Variants in EPRS1 observed in about 807,000 individuals in gnomAD.
The protein encoded by EPRS1 is glutamyl-prolyl-tRNA synthetase 1.
A neutral mutation model predicts 188.3 loss-of-function variants in EPRS1; 107 were observed. The observed-to-expected ratio is 0.57, with a 90% CI of 0.49 to 0.67. The LOEUF (loss-of-function observed/expected upper bound fraction) is 0.67, where lower values mean the gene tolerates loss of function less well. EPRS1 is among the 30% of genes least tolerant of loss of function. The probability of loss-of-function intolerance (pLI) is 0.00; values close to 1 mark genes in which losing one functional copy is unlikely to be tolerated. For missense variants in EPRS1, 1,577 were observed against 1,802.2 expected (o/e 0.88, Z 2.26); for synonymous variants, 596 against 593.1 (o/e 1.00, Z -0.07).
rs761568334 is a variant in EPRS1 at position 219,987,220 on chromosome 1, T to C, written c.2960A>G (p.Lys987Arg). Residue 987 changes from lysine (K) to arginine (R), a missense_variant, in exon 20 of 32, where the codon AAA (lysine) becomes AGA (arginine). By Grantham distance (26) the Lys-to-Arg change is conservative. This residue lies in a region of EPRS1 where 1,278 missense variants were observed against 1,457.4 expected (regional missense o/e 0.88). Transcript: ENST00000366923. ...ACCTCCTTGGTTTTTAGAAGGGTCT[T>C]TCCTTTGGCCATCATTTTGTTTCTG... is the stretch of plus-strand genomic sequence containing the variant. ...KPQKQNDGQR[K>R]DPSKNQGGGL... The C allele has an allele frequency of 2.5e-6, 4 of 1,614,186 alleles. No individual in the cohort carries two copies. The highest frequency in any genetic ancestry group is 2.5e-6 in the Non-Finnish European group (3 of 1,180,018).
At chr1:219,980,000 C>T in intron 26 of EPRS1, 85 bp downstream of exon 26, 2 of 1,179,170 alleles carry the variant, frequency 1.7e-6, no homozygotes, top group South Asian at 3.1e-5. Flanking sequence ...TAAGAGTCTA[C>T]TTCTGTGATG....
At chr1:219,977,551 A>G (rs1309980173) in intron 28 of EPRS1, among the ~76,000 whole-genome samples, 1 of 152,214 alleles carries the variant, frequency 6.6e-6, no homozygotes, top group Non-Finnish European at 1.5e-5. Context: ...AGTAGAAATT[A>G]GTTTAGAGAA....
At position 220,032,279 on chromosome 1, in the gene EPRS1, G is replaced by T; in HGVS notation, c.528+108C>A. 5.3e-6 allele frequency: 4 copies of T among 749,942 alleles called. No homozygotes were observed. The South Asian group carries it at 8.2e-5, about 15-fold the overall frequency. The allele number at this position is 749,942 out of a possible 1,614,324, so 46.5% of individuals were successfully genotyped here. On this transcript the variant is annotated intron_variant, in intron 5 of 31. Coordinates refer to ENST00000366923, the MANE Select transcript of EPRS1 (RefSeq NM_004446.3). Reference sequence around the variant, plus strand: ...TTTTGTATATTTTTAGCAGAGATGCGGTTTCACCGTGTTATTCAGGATGGT... The same window carrying T: ...TTTTGTATATTTTTAGCAGAGATGCTGTTTCACCGTGTTATTCAGGATGGT...
chr1:219,979,505 GC>G lies in EPRS1; in HGVS notation c.3821del (p.Gly1274AlafsTer2). The G allele has an allele frequency of 6.2e-7, 1 of 1,613,874 alleles. No homozygotes were observed. Among genetic ancestry groups the G allele is most frequent in the Non-Finnish European group, 8.5e-7 (1 of 1,179,860 alleles). ...EKQFAYQNSWGLTTRTIGVMT... is the reference protein window; with the variant it reads ...EKQFAYQNSWXLTTRTIGVMT... Reference sequence around the variant, plus strand: ...TAACACCAATAGTTCGAGTTGTCAGGCCCCAGGAGTTTTGATAGGCAAATTG... The same window carrying G: ...TAACACCAATAGTTCGAGTTGTCAGGCCCAGGAGTTTTGATAGGCAAATTG... On this transcript the variant is annotated frameshift_variant, in exon 27 of 32. Coordinates refer to ENST00000366923, the MANE Select transcript of EPRS1 (RefSeq NM_004446.3). LOFTEE classifies it high-confidence loss of function.
At chr1:220,027,012 C>T (rs1661985562) in intron 6 of EPRS1, among the ~76,000 whole-genome samples, 1 of 152,086 alleles carries the variant, frequency 6.6e-6, no homozygotes, top group Non-Finnish European at 1.5e-5. Context: ...AGGGCTTGGG[C>T]CGGGCACAGT....
intron 7 of EPRS1, 113 bp downstream of exon 7, chr1:220,025,019 G>A: frequency 3.0e-6 from 3 of 1,016,038 alleles, no homozygotes; most frequent in Non-Finnish European, 4.6e-6. Flanking sequence ...ATATAGATAG[G>A]GAAAAAAGCA....
intron 3 of EPRS1, 64 bp downstream of exon 3, chr1:220,034,850 G>A (rs1285452724): frequency 3.4e-6 from 3 of 880,020 alleles, no homozygotes; most frequent in African/African-American, 3.3e-5. Flanking sequence ...AATAAATGAT[G>A]AGGTTCCCAT....
At chr1:219,992,578 A>T (rs1316730359) in intron 18 of EPRS1, among the ~76,000 whole-genome samples, 6 of 152,218 alleles carry the variant, frequency 3.9e-5, no homozygotes, top group Non-Finnish European at 7.3e-5. Context: ...TAACTGTAGC[A>T]TGAAAGCAGC....
chr1:219,971,782 G>C (rs1312853863), intron 30 of EPRS1, among the ~76,000 whole-genome samples: 1 of 60,684 alleles, frequency 1.6e-5, no homozygotes. Flanking sequence ...AGAAAACAAA[G>C]ACTATATATA....
chr1:219,976,498 CTA>C (rs1220673297), intron 28 of EPRS1, among the ~76,000 whole-genome samples: 1 of 152,150 alleles, frequency 6.6e-6, no homozygotes, highest in Non-Finnish European at 1.5e-5. Context: ...GTTGGTTGTA[CTA>C]TGTTGCTTGT....
At chr1:219,980,708 G>A in intron 25 of EPRS1, 48 bp downstream of exon 25, 5 of 1,365,780 alleles carry the variant, frequency 3.7e-6, no homozygotes, top group Non-Finnish European at 4.1e-6. Context: ...TGCAGAACCT[G>A]AACAAAAATA....
chr1:219,992,948 C>T (rs370409910), intron 18 of EPRS1, among the ~76,000 whole-genome samples: 1 of 150,968 alleles, frequency 6.6e-6, no homozygotes, highest in African/African-American at 2.4e-5. Context: ...AAAGAACAGG[C>T]GTACGGCCAG....
chr1:219,993,165 G>A lies in EPRS1; in HGVS notation c.2541+3818C>T, dbSNP rs572587805. Among the ~76,000 whole-genome samples the A allele has an allele frequency of 2.6e-5, 4 of 151,060 alleles. No individual in the cohort carries two copies. In the East Asian group the frequency reaches 7.9e-4, roughly 30 times the overall value. ...TGAGAGGATTGCTTGGGAGGTCGAG[G>A]CTGCAGTGAACCATGATCAAGCCAC... On this transcript the variant is annotated intron_variant, in intron 18 of 31. Transcript: ENST00000366923.
intron 3 of EPRS1, among the ~76,000 whole-genome samples, chr1:220,034,615 G>T (rs1248366080): frequency 6.6e-6 from 1 of 152,168 alleles, no homozygotes; most frequent in African/African-American, 2.4e-5. Flanking sequence ...TGGATGAGAT[G>T]ATCTATACAG....
In EPRS1 at chr1:219,978,729, G is replaced by A. The variant is rs778702622; in HGVS notation, c.3910-10C>T. 6 of 1,601,128 alleles carry A rather than the reference G, an allele frequency of 3.7e-6. No homozygotes were observed. In the South Asian group the frequency reaches 6.7e-5, roughly 18 times the overall value. ...AAGGAATAATCACCACCTAGAATCA[G>A]CACAATGTCCCAAATGTATGCAAAG... On this transcript the variant is annotated splice_polypyrimidine_tract_variant and intron_variant, in intron 27 of 31. Transcript: ENST00000366923.
chr1:220,010,664 G>A (rs997562751), intron 13 of EPRS1, among the ~76,000 whole-genome samples: 1 of 151,954 alleles, frequency 6.6e-6, no homozygotes, highest in Non-Finnish European at 1.5e-5. Context: ...ACGAAAATTA[G>A]CTAGGCGTAG....
At chr1:219,982,037 T>C (rs1328169907) in intron 23 of EPRS1, among the ~76,000 whole-genome samples, 6 of 152,210 alleles carry the variant, frequency 3.9e-5, no homozygotes, top group Non-Finnish European at 7.3e-5. Context: ...GATCTATAAT[T>C]AGTAAACCAA....
chr1:220,004,826 T>C (rs1306208339), intron 16 of EPRS1, among the ~76,000 whole-genome samples: 1 of 151,982 alleles, frequency 6.6e-6, no homozygotes, highest in African/African-American at 2.4e-5. Context: ...ATCCTATTAC[T>C]TCATGGTTAA....
Position 219,984,344 on chromosome 1 carries a change from G to T in EPRS1, c.3039-87C>A. On this transcript the variant is annotated intron_variant, in intron 20 of 31. Transcript: ENST00000366923. ...AAATAAACCTCTAAAGTTCAAAATA[G>T]ATTAGTCTTTCTTCAGTATGAGTTA... The T allele has an allele frequency of 3.4e-6, 3 of 886,760 alleles. No individual in the cohort carries two copies. In the South Asian group the frequency reaches 4.2e-5, roughly 12 times the overall value. 54.9% of individuals were successfully genotyped at this position (886,760 alleles called of 1,614,324 possible). A position where few individuals can be genotyped will look rare whatever the true frequency, so the allele number is the denominator to read the frequency against.
Sources: allele counts gnomAD v4.1 joint callset (sites outside exome capture counted in the v4.1 genomes callset), GRCh38; gene constraint gnomAD v4.1.1; regional missense constraint gnomAD v4.1.1; transcripts MANE v1.5; gene names NCBI Gene and HGNC (gene_info 2026-07-23, HGNC 2026-07-21).